ENOX1: variants seen among roughly 807,000 people sequenced by gnomAD.
ENOX1 encodes the protein ecto-NOX disulfide-thiol exchanger 1.
A neutral mutation model predicts 82.5 loss-of-function variants in ENOX1; 42 were observed. The observed-to-expected ratio is 0.51, with a 90% CI of 0.40 to 0.66. ENOX1 has a LOEUF of 0.66. Among genes scored for constraint, ENOX1 ranks in the 30% least tolerant of loss-of-function variants. The pLI, the probability that ENOX1 is intolerant of heterozygous loss-of-function variation, is 0.00. For synonymous variants in ENOX1, 271 were observed against 282.2 expected, an observed-to-expected ratio of 0.96 and a Z score of 0.40; for missense variants, 608 against 811.6, an observed-to-expected ratio of 0.75 and a Z score of 3.05.
chr13:43,783,603 C>T (rs1199327248), intron 1 of ENOX1, among the ~76,000 whole-genome samples: 2 of 152,104 alleles, frequency 1.3e-5, no homozygotes, highest in African/African-American at 4.8e-5. Context: ...GAAAATCCTG[C>T]CATCTATTTA....
chr13:43,311,782 A>G (rs773115221), intron 11 of ENOX1, among the ~76,000 whole-genome samples: 1 of 152,352 alleles, frequency 6.6e-6, no homozygotes, highest in African/African-American at 2.4e-5. Flanking sequence ...TCCCACACAC[A>G]TTGTGAGAAT....
chr13:43,617,891 TTTG>T (rs71099839), intron 2 of ENOX1, among the ~76,000 whole-genome samples: 110,114 of 151,440 alleles, frequency 0.73, 40,163 homozygotes, highest in East Asian at 0.95. Context: ...CATCTACTGG[TTTG>T]TTGTTGTTGT....
chr13:43,402,146 C>G, intron 5 of ENOX1, among the ~76,000 whole-genome samples: 1 of 152,046 alleles, frequency 6.6e-6, no homozygotes, highest in Non-Finnish European at 1.5e-5. Flanking sequence ...TAAATATACT[C>G]CATCTGTGCA....
chr13:43,672,018 A>G (rs2085293028), intron 1 of ENOX1, among the ~76,000 whole-genome samples: 1 of 152,220 alleles, frequency 6.6e-6, no homozygotes, highest in Non-Finnish European at 1.5e-5. Flanking sequence ...GGTGCTTTTT[A>G]CCATTCATAC....
chr13:43,680,261 A>G (rs2085717603), intron 1 of ENOX1, among the ~76,000 whole-genome samples: 1 of 152,226 alleles, frequency 6.6e-6, no homozygotes. Flanking sequence ...ATAAGTGTAC[A>G]CAGAAAAGAA....
At chr13:43,219,456 G>A (rs952819901) in intron 16 of ENOX1, among the ~76,000 whole-genome samples, 1 of 152,078 alleles carries the variant, frequency 6.6e-6, no homozygotes, top group African/African-American at 2.4e-5. Flanking sequence ...TTACCCAGGT[G>A]GCTTTTGTTC....
intron 2 of ENOX1, among the ~76,000 whole-genome samples, chr13:43,595,355 T>C (rs976628101): frequency 1.3e-5 from 2 of 152,180 alleles, no homozygotes; most frequent in Admixed American, 6.5e-5. Flanking sequence ...AAAAACATAC[T>C]CTTGTCCTTT....
At chr13:43,264,645 A>G (rs1156515983) in intron 14 of ENOX1, among the ~76,000 whole-genome samples, 1 of 152,234 alleles carries the variant, frequency 6.6e-6, no homozygotes, top group African/African-American at 2.4e-5. Context: ...GTTCAGTGAA[A>G]AGAACTGCTT....
rs962991213 is a variant in ENOX1, at chr13:43,786,064, C to G, written c.-285+588G>C. Among the ~76,000 whole-genome samples the G allele has an allele frequency of 2.6e-5, 4 of 152,104 alleles. No homozygotes were observed. The highest frequency in any genetic ancestry group is 5.9e-5 in the Non-Finnish European group (4 of 68,012). On this transcript the variant is annotated intron_variant, in intron 1 of 16. Coordinates refer to ENST00000690772, the MANE Select transcript of ENOX1 (RefSeq NM_001347969.2). This position sits in a 1 kb window ranked among gnomAD's most constrained non-coding sequence, Gnocchi z 6.0. The stretch of plus-strand genomic sequence containing the variant: ...GCCGACGAAGACCTGTCCAAGGTGT[C>G]CGAGCTCCCCGCGAGAGGGGACAGT...
chr13:43,472,152 G>A (rs1237397755), intron 3 of ENOX1, among the ~76,000 whole-genome samples: 2 of 152,052 alleles, frequency 1.3e-5, no homozygotes, highest in African/African-American at 4.8e-5. Flanking sequence ...ATACAGGACT[G>A]TTAAAGGACT....
chr13:43,526,994 T>C (rs1175874444), intron 2 of ENOX1, among the ~76,000 whole-genome samples: 1 of 151,980 alleles, frequency 6.6e-6, no homozygotes, highest in Non-Finnish European at 1.5e-5. Context: ...AACAATGCAC[T>C]CTATTGGAAG....
At chr13:43,753,843 T>C (rs1260265003) in intron 1 of ENOX1, among the ~76,000 whole-genome samples, 2 of 147,712 alleles carry the variant, frequency 1.4e-5, no homozygotes, top group Non-Finnish European at 3.0e-5. Context: ...CTATTAAGAG[T>C]AATACGTCAC....
intron 15 of ENOX1, among the ~76,000 whole-genome samples, chr13:43,236,187 T>G (rs946607769): frequency 2.0e-5 from 3 of 152,198 alleles, no homozygotes; most frequent in Non-Finnish European, 4.4e-5. Context: ...CATGGCCCTA[T>G]TTGTCAGCAT....
chr13:43,334,136 C>A (rs1194304217), intron 9 of ENOX1, among the ~76,000 whole-genome samples: 1 of 152,244 alleles, frequency 6.6e-6, no homozygotes, highest in Non-Finnish European at 1.5e-5. Flanking sequence ...AAGCTCTCTG[C>A]ATGATTCCAA....
intron 2 of ENOX1, among the ~76,000 whole-genome samples, chr13:43,605,632 G>C (rs1313650156): frequency 2.6e-5 from 4 of 152,046 alleles, no homozygotes; most frequent in Non-Finnish European, 5.9e-5. Context: ...GACCCCTATT[G>C]CTCATCATAT....
At chr13:43,751,322 C>A (rs932209557) in intron 1 of ENOX1, among the ~76,000 whole-genome samples, 4 of 152,186 alleles carry the variant, frequency 2.6e-5, no homozygotes, top group Admixed American at 2.0e-4. Context: ...CATCACTGCT[C>A]TTCTGGTTGC....
At chr13:43,659,669 T>C (rs2084624983) in intron 2 of ENOX1, among the ~76,000 whole-genome samples, 1 of 151,756 alleles carries the variant, frequency 6.6e-6, no homozygotes, top group African/African-American at 2.4e-5. Flanking sequence ...AGGTTGGGAG[T>C]GTGGTTGTTG....
intron 5 of ENOX1, among the ~76,000 whole-genome samples, chr13:43,372,281 T>C (rs2051292176): frequency 6.6e-6 from 1 of 152,228 alleles, no homozygotes; most frequent in African/African-American, 2.4e-5. Context: ...GACTTACATT[T>C]CACAGATAAT....
At chr13:43,313,925 C>T (rs1593873013) in intron 11 of ENOX1, among the ~76,000 whole-genome samples, 1 of 152,164 alleles carries the variant, frequency 6.6e-6, no homozygotes, top group Admixed American at 6.5e-5. Context: ...CAATGACCAG[C>T]ATGCCCCAAG....
Sources: gnomAD v4.1 joint callset for allele counts (sites outside exome capture counted in the v4.1 genomes callset) on GRCh38, gnomAD v4.1.1 for gene constraint, Gnocchi (gnomAD v3.1) non-coding constraint, MANE v1.5 for transcripts, NCBI Gene and HGNC (gene_info 2026-07-23, HGNC 2026-07-21) for gene names.